MAST4: variants seen among roughly 807,000 people sequenced by gnomAD.
MAST4 encodes the protein microtubule-associated serine/threonine-protein kinase 4.
Under a neutral mutation model 162.7 loss-of-function variants are expected in MAST4, and 89 were observed. The ratio of observed to expected loss-of-function variants is 0.55; its 90% confidence interval spans 0.46 to 0.65. The LOEUF (loss-of-function observed/expected upper bound fraction) is 0.65. Among genes scored for constraint, MAST4 ranks in the 30% least tolerant of loss-of-function variants. The probability of loss-of-function intolerance (pLI) is 0.00; values close to 1 mark genes in which losing one functional copy is unlikely to be tolerated. For synonymous variants in MAST4, 1,479 were observed against 1,361.1 expected, an observed-to-expected ratio of 1.09 and a Z score of -1.91; for missense variants, 3,153 against 3,374.0, an observed-to-expected ratio of 0.93 and a Z score of 1.62.
chr5:66,928,543 A>G (rs191122667), intron 4 of MAST4, among the ~76,000 whole-genome samples: 2 of 152,200 alleles, frequency 1.3e-5, no homozygotes, highest in African/African-American at 4.8e-5. Flanking sequence ...TTCCACTTTC[A>G]ATAATGGCAA....
chr5:66,772,806 G>A (rs1035968258), intron 2 of MAST4, among the ~76,000 whole-genome samples: 3 of 152,176 alleles, frequency 2.0e-5, no homozygotes, highest in Non-Finnish European at 2.9e-5. Context: ...TGTAAAGTGA[G>A]TGCATTGGAT....
At chr5:67,134,999 G>A (rs1470120259) in intron 18 of MAST4, among the ~76,000 whole-genome samples, 3 of 152,156 alleles carry the variant, frequency 2.0e-5, no homozygotes, top group Non-Finnish European at 4.4e-5. Context: ...TTTAATTGCC[G>A]TCCAGTCTTC....
chr5:66,625,717 G>T (rs960870873), intron 1 of MAST4, among the ~76,000 whole-genome samples: 25 of 152,296 alleles, frequency 1.6e-4, no homozygotes, highest in African/African-American at 4.6e-4. Flanking sequence ...AGCCATTATG[G>T]AAAACAGTAT....
intron 3 of MAST4, among the ~76,000 whole-genome samples, chr5:66,867,177 T>G (rs1760590766): frequency 6.6e-6 from 1 of 152,246 alleles, no homozygotes; most frequent in East Asian, 1.9e-4. Context: ...CAGATTTTTT[T>G]TAATGGAACT....
At chr5:67,083,683 C>G (rs1158507224) in intron 5 of MAST4, among the ~76,000 whole-genome samples, 1 of 152,140 alleles carries the variant, frequency 6.6e-6, no homozygotes, top group Non-Finnish European at 1.5e-5. Context: ...CAGATTCAGT[C>G]TATAATTAAT....
intron 3 of MAST4, among the ~76,000 whole-genome samples, chr5:66,812,952 C>T (rs2149717065): frequency 6.6e-6 from 1 of 152,266 alleles, no homozygotes; most frequent in East Asian, 1.9e-4. Flanking sequence ...CACTGGGGCT[C>T]AGTTTGCGCA....
intron 1 of MAST4, among the ~76,000 whole-genome samples, chr5:66,727,785 C>G (rs1751612502): frequency 6.6e-6 from 1 of 151,966 alleles, no homozygotes; most frequent in Non-Finnish European, 1.5e-5. Context: ...GTTTTGGGTG[C>G]CGGAAGAGCC....
intron 4 of MAST4, among the ~76,000 whole-genome samples, chr5:67,006,197 G>C (rs919898929): frequency 6.6e-6 from 1 of 152,126 alleles, no homozygotes; most frequent in Admixed American, 6.5e-5. Context: ...ATGTGCACCT[G>C]TGTGTATGAG....
chr5:66,736,405 C>T (rs1429009370), intron 1 of MAST4, among the ~76,000 whole-genome samples: 2 of 148,058 alleles, frequency 1.4e-5, no homozygotes, highest in Admixed American at 1.4e-4. Flanking sequence ...ACACACACAA[C>T]TGGAGCTGTA....
At chr5:66,954,555 A>T (rs1745075976) in intron 4 of MAST4, among the ~76,000 whole-genome samples, 1 of 152,218 alleles carries the variant, frequency 6.6e-6, no homozygotes, top group Admixed American at 6.5e-5. Context: ...CTACACTCTG[A>T]TAGGGGAAGA....
At chr5:67,060,605 G>A (rs1039821441) in intron 5 of MAST4, among the ~76,000 whole-genome samples, 2 of 151,576 alleles carry the variant, frequency 1.3e-5, no homozygotes, top group Non-Finnish European at 2.9e-5. Flanking sequence ...AGCCTCCTGA[G>A]TAACTGGGAC....
At chr5:66,972,474 A>T (rs975588114) in intron 4 of MAST4, among the ~76,000 whole-genome samples, 4 of 152,220 alleles carry the variant, frequency 2.6e-5, no homozygotes, top group Non-Finnish European at 4.4e-5. Flanking sequence ...GCTCAACTTT[A>T]ATCAAGCTCT....
intron 1 of MAST4, among the ~76,000 whole-genome samples, chr5:66,752,229 G>A (rs1228499190): frequency 6.6e-6 from 1 of 152,172 alleles, no homozygotes; most frequent in East Asian, 1.9e-4. Flanking sequence ...GAAAGAAACT[G>A]CATCAACTAA....
chr5:66,646,384 T>C (rs561995159), intron 1 of MAST4, among the ~76,000 whole-genome samples: 1 of 152,308 alleles, frequency 6.6e-6, no homozygotes, highest in East Asian at 1.9e-4. Flanking sequence ...ATCCCAATTA[T>C]AGGCTCTGAT....
At chr5:67,067,607 G>A (rs941154958) in intron 5 of MAST4, among the ~76,000 whole-genome samples, 3 of 152,126 alleles carry the variant, frequency 2.0e-5, no homozygotes, top group Non-Finnish European at 2.9e-5. Flanking sequence ...ATGTAACCAA[G>A]TCTCTGCTGG....
intron 4 of MAST4, among the ~76,000 whole-genome samples, chr5:66,952,187 G>A (rs1217666226): frequency 2.0e-5 from 3 of 152,150 alleles, no homozygotes; most frequent in African/African-American, 7.2e-5. Flanking sequence ...AGAGAAGCAG[G>A]AGAGAAGGAT....
intron 5 of MAST4, among the ~76,000 whole-genome samples, chr5:67,069,311 T>TATATAA (rs1198072267): frequency 2.1e-5 from 3 of 142,226 alleles, no homozygotes; most frequent in Non-Finnish European, 3.0e-5. Flanking sequence ...TATATATATA[T>TATATAA]AAAATTTTAA....
At chr5:66,729,677 C>T (rs1751725108) in intron 1 of MAST4, among the ~76,000 whole-genome samples, 1 of 152,114 alleles carries the variant, frequency 6.6e-6, no homozygotes, top group Non-Finnish European at 1.5e-5. Flanking sequence ...TTAATTTTTC[C>T]CCCACTGTGG....
intron 3 of MAST4, among the ~76,000 whole-genome samples, chr5:66,846,985 C>A (rs1010426399): frequency 1.3e-5 from 2 of 152,162 alleles, no homozygotes; most frequent in Admixed American, 6.5e-5. Flanking sequence ...TTCTCCAGTG[C>A]CTTCTTTATC....
Sources: allele counts gnomAD v4.1 joint callset (sites outside exome capture counted in the v4.1 genomes callset), GRCh38; gene constraint gnomAD v4.1.1; transcripts MANE v1.5; gene names NCBI Gene and HGNC (gene_info 2026-07-23, HGNC 2026-07-21).